H2BN1: variants seen among roughly 807,000 people sequenced by gnomAD.
The protein encoded by H2BN1 is H2B.N variant histone 1.
the H2BN1 span, among the ~76,000 whole-genome samples, chr17:32,898,849 G>A: frequency 6.6e-6 from 1 of 152,160 alleles, no homozygotes; most frequent in Non-Finnish European, 1.5e-5. Flanking sequence ...AGTGGCTTAT[G>A]TATGTAAATA....
chr17:32,904,402 C>T, the H2BN1 span, among the ~76,000 whole-genome samples: 6 of 152,176 alleles, frequency 3.9e-5, no homozygotes, highest in South Asian at 2.1e-4. Flanking sequence ...AAATAAACAA[C>T]AGCCAAGGGC....
the H2BN1 span, chr17:32,905,592 C>T: frequency 6.6e-6 from 1 of 152,118 alleles, no homozygotes; most frequent in East Asian, 1.9e-4. Flanking sequence ...GTGTCCATGA[C>T]ACAGTCTCAG....
At chr17:32,899,077 A>C in the H2BN1 span, among the ~76,000 whole-genome samples, 3 of 152,240 alleles carry the variant, frequency 2.0e-5, no homozygotes, top group Non-Finnish European at 2.9e-5. Context: ...CAAGACTAGA[A>C]TCTAATAACA....
chr17:32,900,232 T>G, the H2BN1 span, among the ~76,000 whole-genome samples: 2 of 152,210 alleles, frequency 1.3e-5, no homozygotes, highest in South Asian at 4.1e-4. Context: ...ACAGCCCAGA[T>G]AAAGTCAAAT....
chr17:32,901,365 T>A, the H2BN1 span, among the ~76,000 whole-genome samples: 3 of 152,168 alleles, frequency 2.0e-5, no homozygotes, highest in South Asian at 6.2e-4. Flanking sequence ...TTGATATTAA[T>A]TATTAATTTA....
At chr17:32,903,025 C>T in the H2BN1 span, among the ~76,000 whole-genome samples, 1 of 152,102 alleles carries the variant, frequency 6.6e-6, no homozygotes, top group African/African-American at 2.4e-5. Flanking sequence ...TCTAATATTA[C>T]TTTACCAATA....
chr17:32,899,789 T>C, the H2BN1 span, among the ~76,000 whole-genome samples: 5 of 152,272 alleles, frequency 3.3e-5, no homozygotes, highest in South Asian at 6.2e-4. Flanking sequence ...TCCTTGACTA[T>C]GAAAAAAACA....
At chr17:32,899,424 T>C in the H2BN1 span, among the ~76,000 whole-genome samples, 1 of 152,174 alleles carries the variant, frequency 6.6e-6, no homozygotes, top group African/African-American at 2.4e-5. Flanking sequence ...TTACTTATCA[T>C]AAGTCAGCCT....
chr17:32,901,767 T>C, the H2BN1 span, among the ~76,000 whole-genome samples: 43 of 152,278 alleles, frequency 2.8e-4, no homozygotes, highest in African/African-American at 1.0e-3. Flanking sequence ...AGTTGAACTT[T>C]GGGCTAAAAA....
At chr17:32,903,872 G>A in the H2BN1 span, among the ~76,000 whole-genome samples, 1 of 152,106 alleles carries the variant, frequency 6.6e-6, no homozygotes, top group Non-Finnish European at 1.5e-5. Flanking sequence ...CTGAAGAGGG[G>A]GAACTGAGCT....
the H2BN1 span, chr17:32,905,776 A>G: frequency 0.046 from 6,976 of 152,280 alleles, 254 homozygotes; most frequent in East Asian, 0.19. Flanking sequence ...CTTCCAGATC[A>G]TAGGTAGGTA....
the H2BN1 span, among the ~76,000 whole-genome samples, chr17:32,899,010 G>A: frequency 3.9e-5 from 6 of 152,140 alleles, no homozygotes; most frequent in Admixed American, 3.9e-4. Context: ...TTGTAGCCAA[G>A]AAAAATTAGA....
the H2BN1 span, among the ~76,000 whole-genome samples, chr17:32,901,266 A>T: frequency 6.6e-6 from 1 of 152,132 alleles, no homozygotes; most frequent in African/African-American, 2.4e-5. Context: ...AACCTTTTAT[A>T]ACTTTTATTA....
At chr17:32,899,266 A>G in the H2BN1 span, among the ~76,000 whole-genome samples, 2 of 152,232 alleles carry the variant, frequency 1.3e-5, no homozygotes, top group Non-Finnish European at 2.9e-5. Flanking sequence ...ACTTTGTTCC[A>G]TAGAAAGAAA....
chr17:32,905,726 A>G, the H2BN1 span: 1 of 152,068 alleles, frequency 6.6e-6, no homozygotes, highest in South Asian at 2.1e-4. Flanking sequence ...AAAGGGGACA[A>G]CTCGAGGTGA....
At chr17:32,896,040 AGCCCAC>A in the H2BN1 span, among the ~76,000 whole-genome samples, 6,576 of 152,002 alleles carry the variant, frequency 0.043, 221 homozygotes, top group East Asian at 0.19. Context: ...TGAGACTATA[AGCCCAC>A]GCCACCATGC....
At chr17:32,900,878 G>A in the H2BN1 span, among the ~76,000 whole-genome samples, 1 of 151,672 alleles carries the variant, frequency 6.6e-6, no homozygotes, top group South Asian at 2.1e-4. Context: ...ACTGCACCCA[G>A]CCCTTGTTTT....
chr17:32,904,074 T>A, the H2BN1 span, among the ~76,000 whole-genome samples: 134 of 152,328 alleles, frequency 8.8e-4, 1 homozygote, highest in African/African-American at 2.8e-3. Context: ...GTCTTTTTTT[T>A]AAATTAATTT....
At chr17:32,903,977 GTC>G in the H2BN1 span, among the ~76,000 whole-genome samples, 1 of 152,246 alleles carries the variant, frequency 6.6e-6, no homozygotes, top group African/African-American at 2.4e-5. Flanking sequence ...CCTCTTACGT[GTC>G]TCAGTTTCTC....
Sources: allele counts gnomAD v4.1 joint callset (sites outside exome capture counted in the v4.1 genomes callset), GRCh38; gene constraint gnomAD v4.1.1; transcripts MANE v1.5; gene names NCBI Gene and HGNC (gene_info 2026-07-23, HGNC 2026-07-21).